The following TLN2 variants were observed in gnomAD, a reference collection of about 807,000 sequenced individuals.
The protein encoded by TLN2 is talin-2.
In TLN2, 118 loss-of-function variants were observed where a neutral mutation model predicts 294.7. That is an observed-to-expected ratio of 0.40 (90% CI 0.34 to 0.47). The LOEUF is 0.47. TLN2 is among the 20% of genes least tolerant of loss of function. TLN2 has a pLI of 0.84. For missense variants in TLN2, 3,083 were observed against 3,282.2 expected (o/e 0.94, Z 1.48); for synonymous variants, 1,431 against 1,304.5 (o/e 1.10, Z -2.09).
chr15:62,685,758 G>A (rs546643464), intron 11 of TLN2, among the ~76,000 whole-genome samples: 2 of 152,318 alleles, frequency 1.3e-5, no homozygotes, highest in South Asian at 4.1e-4. Context: ...CACATAGACA[G>A]TATATGAAGT....
intron 39 of TLN2, among the ~76,000 whole-genome samples, chr15:62,762,812 G>A (rs542981219): frequency 1.3e-5 from 2 of 152,220 alleles, no homozygotes; most frequent in African/African-American, 2.4e-5. Flanking sequence ...GTACTACATT[G>A]TCCGTATCTA....
At chr15:62,527,795 G>A in intron 1 of TLN2, among the ~76,000 whole-genome samples, 1 of 152,174 alleles carries the variant, frequency 6.6e-6, no homozygotes, top group Admixed American at 6.5e-5. Flanking sequence ...CTTTTGTGAT[G>A]ATAAAAGTAC....
At chr15:62,830,235 T>G (rs1167557566) in intron 54 of TLN2, 1 of 152,120 alleles carries the variant, frequency 6.6e-6, no homozygotes, top group Non-Finnish European at 1.5e-5. Flanking sequence ...GTCAGGTCAG[T>G]AACATCTCAG....
chr15:62,817,740 A>C (rs916522605), intron 52 of TLN2, among the ~76,000 whole-genome samples: 1 of 151,838 alleles, frequency 6.6e-6, no homozygotes, highest in Admixed American at 6.6e-5. Context: ...CCAAGAAGGG[A>C]ATTCACATTT....
chr15:62,810,426 T>A (rs761698115), intron 52 of TLN2, among the ~76,000 whole-genome samples: 3 of 152,154 alleles, frequency 2.0e-5, no homozygotes, highest in Non-Finnish European at 2.9e-5. Context: ...GACAGAGCCA[T>A]GCCAGCCTCC....
At chr15:62,538,658 G>A (rs975568628) in intron 1 of TLN2, among the ~76,000 whole-genome samples, 1 of 152,158 alleles carries the variant, frequency 6.6e-6, no homozygotes, top group Admixed American at 6.5e-5. Flanking sequence ...TTAATGTGCA[G>A]TTTCTAGGAG....
At chr15:62,632,607 C>G (rs1054927915) in intron 3 of TLN2, among the ~76,000 whole-genome samples, 26 of 152,348 alleles carry the variant, frequency 1.7e-4, no homozygotes, top group African/African-American at 6.3e-4. Context: ...CACATAAATG[C>G]AAGACCAGCC....
intron 1 of TLN2, among the ~76,000 whole-genome samples, chr15:62,420,789 T>C (rs1284778530): frequency 2.6e-5 from 4 of 152,134 alleles, no homozygotes; most frequent in Non-Finnish European, 4.4e-5. Flanking sequence ...AACTTTACTG[T>C]GGGTCTGAAG....
intron 45 of TLN2, among the ~76,000 whole-genome samples, chr15:62,787,761 C>T (rs1398580308): frequency 3.6e-5 from 5 of 137,240 alleles, no homozygotes; most frequent in East Asian, 2.2e-4. Flanking sequence ...GGTGTGATCT[C>T]GGCTCACTGC....
At chr15:62,420,228 A>T (rs2034311261) in intron 1 of TLN2, among the ~76,000 whole-genome samples, 1 of 152,212 alleles carries the variant, frequency 6.6e-6, no homozygotes, top group East Asian at 1.9e-4. Context: ...TAAAATTTTT[A>T]AATGCTTAAT....
rs370666708 is a variant in TLN2, at chr15:62,820,623, T to G, written c.7002+13T>G. ...AGCAAAACCAAAAGTAAGTGTTCAT[T>G]TATGGTTGGCTGTCCGATGTCAGTG... On this transcript the variant is annotated intron_variant, in intron 54 of 58. Coordinates refer to ENST00000636159, the MANE Select transcript of TLN2 (RefSeq NM_015059.3). 1.2e-6 allele frequency: 2 copies of G among 1,611,276 alleles called. No homozygotes were observed. Among genetic ancestry groups the G allele is most frequent in the Admixed American group, 1.7e-5 (1 of 59,870 alleles).
chr15:62,457,307 C>G (rs1281956009), intron 1 of TLN2, among the ~76,000 whole-genome samples: 2 of 152,168 alleles, frequency 1.3e-5, no homozygotes, highest in Non-Finnish European at 2.9e-5. Flanking sequence ...CTGGCATCTC[C>G]TCTTAACAGG....
chr15:62,831,454 G>A (rs1011574647), intron 54 of TLN2: 8 of 151,520 alleles, frequency 5.3e-5, no homozygotes, highest in African/African-American at 1.2e-4. Context: ...TTAATCTCAC[G>A]GTTATTAAAA....
rs773745772 is a variant in TLN2 at position 62,784,012 on chromosome 15, A to G, written c.5736+122A>G. ...CAGCCCAGTAACCAGAGCCCAGTTT[A>G]TTTCCCCACCACTGCACAGCACAGG... On this transcript the variant is annotated intron_variant, in intron 45 of 58. Transcript: ENST00000636159. 5 of 1,519,220 alleles carry G rather than the reference A, an allele frequency of 3.3e-6. No homozygotes were observed. The South Asian group carries it at 5.9e-5, about 18-fold the overall frequency. The allele number at this position is 1,519,220 out of a possible 1,614,324, so 94.1% of individuals were successfully genotyped here.
At chr15:62,410,555 C>T (rs1448752473) in intron 1 of TLN2, among the ~76,000 whole-genome samples, 5 of 152,200 alleles carry the variant, frequency 3.3e-5, no homozygotes, top group Non-Finnish European at 7.3e-5. Flanking sequence ...CATGTATTCC[C>T]TCAAGGACCC....
chr15:62,657,936 C>G, intron 9 of TLN2, 38 bp downstream of exon 9: 4 of 1,582,922 alleles, frequency 2.5e-6, no homozygotes, highest in Middle Eastern at 1.7e-4. Context: ...CTCTTTTCTC[C>G]TGTCTTCTTT....
intron 1 of TLN2, among the ~76,000 whole-genome samples, chr15:62,473,446 A>G (rs2140366610): frequency 6.6e-6 from 1 of 152,274 alleles, no homozygotes; most frequent in Admixed American, 6.5e-5. Context: ...CGGAGCCAAC[A>G]ACCAGGTTAC....
At chr15:62,568,356 T>C (rs1000256962) in intron 1 of TLN2, among the ~76,000 whole-genome samples, 1 of 152,252 alleles carries the variant, frequency 6.6e-6, no homozygotes, top group Non-Finnish European at 1.5e-5. Flanking sequence ...CATCGCATTC[T>C]GTCTATGCTT....
chr15:62,662,490 T>C (rs1027228518), intron 9 of TLN2, among the ~76,000 whole-genome samples: 12 of 152,182 alleles, frequency 7.9e-5, no homozygotes, highest in Admixed American at 3.3e-4. Context: ...CTCACAAAAG[T>C]TGATCAAATA....
Sources: gnomAD v4.1 joint callset for allele counts (sites outside exome capture counted in the v4.1 genomes callset) on GRCh38, gnomAD v4.1.1 for gene constraint, MANE v1.5 for transcripts, NCBI Gene and HGNC (gene_info 2026-07-23, HGNC 2026-07-21) for gene names.